Variants in IKBKB observed in about 807,000 individuals in gnomAD.
IKBKB encodes inhibitor of nuclear factor kappa B kinase subunit beta, also known as inhibitor of nuclear factor kappa-B kinase subunit beta.
In IKBKB, 42 loss-of-function variants were observed where a neutral mutation model predicts 113.6. That is an observed-to-expected ratio of 0.37 (90% CI 0.29 to 0.48). The LOEUF is 0.48. Among genes scored for constraint, IKBKB ranks in the 20% least tolerant of loss-of-function variants. The pLI is 0.99. For synonymous variants in IKBKB, 296 were observed against 361.3 expected, an observed-to-expected ratio of 0.82 and a Z score of 2.05; for missense variants, 673 against 939.7, an observed-to-expected ratio of 0.72 and a Z score of 3.71.
chr8:42,319,466 T>TC (rs770451785), intron 14 of IKBKB, 45 bp downstream of exon 14: 707 of 1,610,482 alleles, frequency 4.4e-4, no homozygotes, highest in Non-Finnish European at 5.8e-4. Flanking sequence ...CATTTTTTTT[T>TC]CTTTTTCTCT....
In IKBKB at chr8:42,320,395, T is replaced by TA. The variant is rs17875718; in HGVS notation, c.1579-338dup. On this transcript the variant is annotated intron_variant, in intron 15 of 21. Coordinates refer to ENST00000520810, the MANE Select transcript of IKBKB (RefSeq NM_001556.3). The stretch of plus-strand genomic sequence containing the variant: ...ATAGACAGATGAAGAGAAGAGAAAG[T>TA]AATGTGTCTTGGGCATCTTCTGTAT... 8.6e-3 allele frequency: 1,985 copies of TA among 230,562 alleles called. 43 individuals carry two copies. Among genetic ancestry groups the TA allele is most frequent in the African/African-American group, 0.044 (1,870 of 42,882 alleles). The allele number at this position is 230,562 out of a possible 1,614,324, so 14.3% of individuals were successfully genotyped here.
intron 9 of IKBKB, among the ~76,000 whole-genome samples, chr8:42,315,352 T>C (rs1406317558): frequency 6.6e-6 from 1 of 152,126 alleles, no homozygotes; most frequent in African/African-American, 2.4e-5. Flanking sequence ...CTAGAACTTT[T>C]TGGAAGGGTC....
chr8:42,284,119 A>G (rs975031256), intron 2 of IKBKB, among the ~76,000 whole-genome samples: 1 of 152,198 alleles, frequency 6.6e-6, no homozygotes, highest in Admixed American at 6.5e-5. Context: ...AGAATGGGTA[A>G]TTTATAATGA....
At chr8:42,272,290 A>C (rs1563286532) in intron 2 of IKBKB, 85 bp downstream of exon 2, 51 of 1,586,140 alleles carry the variant, frequency 3.2e-5, no homozygotes, top group Non-Finnish European at 4.4e-5. Context: ...TGCTGGGCCA[A>C]GGGCTCACCT....
At chr8:42,275,836 A>G (rs562288133) in intron 2 of IKBKB, among the ~76,000 whole-genome samples, 11 of 151,792 alleles carry the variant, frequency 7.2e-5, no homozygotes, top group South Asian at 2.1e-4. Flanking sequence ...TGGTAGTTCT[A>G]TTTATAGTTT....
chr8:42,292,192 G>A (rs926614800), intron 4 of IKBKB, among the ~76,000 whole-genome samples: 1 of 152,166 alleles, frequency 6.6e-6, no homozygotes, highest in East Asian at 1.9e-4. Context: ...TAGAGATAAA[G>A]CCATGTTGTA....
At chr8:42,288,950 G>A (rs1811998934) in intron 3 of IKBKB, among the ~76,000 whole-genome samples, 1 of 152,170 alleles carries the variant, frequency 6.6e-6, no homozygotes, top group South Asian at 2.1e-4. Flanking sequence ...GGGCATGGGT[G>A]GGCGCCTGTA....
At chr8:42,273,831 C>A (rs1808342985) in intron 2 of IKBKB, among the ~76,000 whole-genome samples, 1 of 151,876 alleles carries the variant, frequency 6.6e-6, no homozygotes, top group South Asian at 2.1e-4. Context: ...GGGATTACAG[C>A]CATGAGTCAT....
At position 42,331,452 on chromosome 8, in the gene IKBKB, T is replaced by G; in HGVS notation, c.*473T>G. 1 of 701,552 alleles carries G rather than the reference T, an allele frequency of 1.4e-6. No homozygotes were observed. Among genetic ancestry groups the G allele is most frequent in the South Asian group, 1.5e-5 (1 of 67,432 alleles). The allele number at this position is 701,552 out of a possible 1,614,324, so 43.5% of individuals were successfully genotyped here. On this transcript the variant is annotated 3_prime_UTR_variant, in exon 22 of 22. Transcript: ENST00000520810. ...GGTGACAGCCTGTCCTCTCCTGCTC[T>G]CCAAAGGCCCTGCTCCCTGTCCTCT... is the stretch of plus-strand genomic sequence containing the variant.
chr8:42,272,333 G>A, intron 2 of IKBKB, 128 bp downstream of exon 2: 1 of 1,286,156 alleles, frequency 7.8e-7, no homozygotes, highest in South Asian at 1.2e-5. Flanking sequence ...AGTGAATAGG[G>A]GGACTGGGAA....
Position 42,309,032 on chromosome 8 carries a change from G to A in IKBKB, c.692+7G>A, listed in dbSNP as rs368647368. On this transcript the variant is annotated splice_region_variant and intron_variant, in intron 8 of 21. Transcript: ENST00000520810. Reference sequence around the variant, plus strand: ...ACTGGCAGCCCGTGCAGTGGTGAGTGGGCCCGGGGCACCTGGATGGAGGAG... The same window carrying A: ...ACTGGCAGCCCGTGCAGTGGTGAGTAGGCCCGGGGCACCTGGATGGAGGAG... 18 of 1,612,324 alleles carry A rather than the reference G, an allele frequency of 1.1e-5. No individual in the cohort carries two copies. In the East Asian group the frequency reaches 1.6e-4, roughly 14 times the overall value.
intron 2 of IKBKB, 96 bp from the exon 3 acceptor site, chr8:42,288,538 T>C: frequency 1.2e-6 from 1 of 839,562 alleles, no homozygotes; most frequent in Admixed American, 2.3e-5. Context: ...TGATTGCAGG[T>C]AACGCTTGGG....
intron 7 of IKBKB, among the ~76,000 whole-genome samples, chr8:42,307,447 T>C (rs1355148996): frequency 2.0e-5 from 3 of 152,194 alleles, no homozygotes; most frequent in Admixed American, 6.5e-5. Flanking sequence ...CTCCTGACAC[T>C]GTGTGGAGAA....
intron 7 of IKBKB, among the ~76,000 whole-genome samples, chr8:42,306,934 C>A (rs920605739): frequency 5.9e-5 from 9 of 152,166 alleles, no homozygotes; most frequent in African/African-American, 2.2e-4. Flanking sequence ...CTCATTCATT[C>A]AAGCATATTG....
At chr8:42,304,882 G>T (rs1467154052) in intron 5 of IKBKB, among the ~76,000 whole-genome samples, 1 of 152,242 alleles carries the variant, frequency 6.6e-6, no homozygotes, top group African/African-American at 2.4e-5. Flanking sequence ...TGGAGCCCGA[G>T]AATTTCACAT....
In IKBKB at chr8:42,316,630, G is replaced by A; in HGVS notation, c.931-80G>A. Reference sequence around the variant, plus strand: ...GTGTGGTTGGGAAATGTTGGGAGTAGCAGAGAGAGGACCTAGGCAAATAGA... The same window carrying A: ...GTGTGGTTGGGAAATGTTGGGAGTAACAGAGAGAGGACCTAGGCAAATAGA... On this transcript the variant is annotated intron_variant, in intron 10 of 21. Transcript: ENST00000520810. This position sits in a 1 kb window ranked among gnomAD's most constrained non-coding sequence, Gnocchi z 4.5. The A allele has an allele frequency of 7.5e-7, 1 of 1,334,908 alleles. No homozygotes were observed. Among genetic ancestry groups the A allele is most frequent in the Non-Finnish European group, 1.0e-6 (1 of 968,880 alleles). 82.7% of individuals were successfully genotyped at this position (1,334,908 alleles called of 1,614,324 possible).
At chr8:42,311,828 A>AC (rs1817765448) in intron 8 of IKBKB, among the ~76,000 whole-genome samples, 2 of 152,234 alleles carry the variant, frequency 1.3e-5, no homozygotes, top group Non-Finnish European at 2.9e-5. Flanking sequence ...CACACTTTAT[A>AC]GTATACGCAT....
chr8:42,298,244 G>T, intron 5 of IKBKB: 2 of 985,442 alleles, frequency 2.0e-6, no homozygotes, highest in Non-Finnish European at 2.4e-6. Context: ...TGCTGGGCGG[G>T]CCTGGGTCTT....
At chr8:42,303,903 C>G (rs1425936733) in intron 5 of IKBKB, among the ~76,000 whole-genome samples, 8 of 152,184 alleles carry the variant, frequency 5.3e-5, no homozygotes, top group African/African-American at 1.9e-4. Context: ...GATATTGTTT[C>G]CCCACCTCTC....
Sources: allele counts gnomAD v4.1 joint callset (sites outside exome capture counted in the v4.1 genomes callset), GRCh38; gene constraint gnomAD v4.1.1; non-coding constraint Gnocchi (gnomAD v3.1); transcripts MANE v1.5; gene names NCBI Gene and HGNC (gene_info 2026-07-23, HGNC 2026-07-21).